GTF2F2: variants seen among roughly 807,000 people sequenced by gnomAD.
The protein encoded by GTF2F2 is ATP-dependent helicase GTF2F2.
Under a neutral mutation model 42.2 loss-of-function variants are expected in GTF2F2, and 23 were observed. That is an observed-to-expected ratio of 0.55 (90% CI 0.39 to 0.77). The LOEUF is 0.77. GTF2F2 is among the 30% of genes least tolerant of loss of function. The probability of loss-of-function intolerance (pLI) is 0.00; values close to 1 mark genes in which losing one functional copy is unlikely to be tolerated. For missense variants in GTF2F2, 261 were observed against 287.2 expected, an observed-to-expected ratio of 0.91 and a Z score of 0.66; for synonymous variants, 105 against 100.8, an observed-to-expected ratio of 1.04 and a Z score of -0.25.
At chr13:45,189,514 C>T (rs1217307834) in intron 4 of GTF2F2, among the ~76,000 whole-genome samples, 2 of 152,204 alleles carry the variant, frequency 1.3e-5, no homozygotes, top group Admixed American at 1.3e-4. Flanking sequence ...TTTACATGCC[C>T]ACCAACAGTG....
At chr13:45,173,059 C>G (rs555852443) in intron 4 of GTF2F2, among the ~76,000 whole-genome samples, 9 of 152,132 alleles carry the variant, frequency 5.9e-5, no homozygotes, top group African/African-American at 2.2e-4. Flanking sequence ...AAGAGTATTG[C>G]CATCTTAACA....
Position 45,173,187 on chromosome 13 carries a change from G to A in GTF2F2, c.304+21356G>A, listed in dbSNP as rs559759889. On this transcript the variant is annotated intron_variant, in intron 4 of 7. Coordinates refer to ENST00000340473, the MANE Select transcript of GTF2F2 (RefSeq NM_004128.3). The stretch of plus-strand genomic sequence containing the variant: ...TTCTAATTAAGTTTTTTATTTTGAG[G>A]TAATTGTAGATTCACATGTAGTTGT... Among the ~76,000 whole-genome samples, 21 of 152,132 alleles carry A rather than the reference G, an allele frequency of 1.4e-4. No individual in the cohort carries two copies. The South Asian group carries it at 3.9e-3, about 29-fold the overall frequency.
intron 5 of GTF2F2, among the ~76,000 whole-genome samples, chr13:45,218,331 G>T (rs932925914): frequency 6.6e-6 from 1 of 152,200 alleles, no homozygotes; most frequent in African/African-American, 2.4e-5. Flanking sequence ...ATCTTTGTAC[G>T]TATTAGAAAA....
At chr13:45,191,255 A>ATATATATATATATATATATG (rs1260872563) in intron 4 of GTF2F2, among the ~76,000 whole-genome samples, 3 of 136,526 alleles carry the variant, frequency 2.2e-5, no homozygotes, top group African/African-American at 8.9e-5. Flanking sequence ...ATATATATAT[A>ATATATATATATATATATATG]GCCATAATCT....
chr13:45,242,017 T>G (rs1314757951), intron 5 of GTF2F2, among the ~76,000 whole-genome samples: 2 of 152,158 alleles, frequency 1.3e-5, no homozygotes, highest in African/African-American at 4.8e-5. Flanking sequence ...GCCCTAAAAT[T>G]TCCTCATTGC....
At chr13:45,140,789 A>G (rs1593450779) in intron 2 of GTF2F2, among the ~76,000 whole-genome samples, 1 of 152,314 alleles carries the variant, frequency 6.6e-6, no homozygotes, top group East Asian at 1.9e-4. Context: ...GGGAGCCACA[A>G]CCAAGATAAA....
At chr13:45,164,011 A>C (rs1020916362) in intron 4 of GTF2F2, among the ~76,000 whole-genome samples, 2 of 152,022 alleles carry the variant, frequency 1.3e-5, no homozygotes, top group Non-Finnish European at 2.9e-5. Context: ...AAAATTAGCC[A>C]AGTGTGGTGG....
At chr13:45,148,832 C>T (rs767488912) in intron 2 of GTF2F2, among the ~76,000 whole-genome samples, 1 of 151,888 alleles carries the variant, frequency 6.6e-6, no homozygotes, top group African/African-American at 2.4e-5. Context: ...AATTCAAATA[C>T]AGTATATAGA....
intron 5 of GTF2F2, among the ~76,000 whole-genome samples, chr13:45,243,940 C>T (rs1404644706): frequency 3.3e-5 from 5 of 152,184 alleles, no homozygotes; most frequent in African/African-American, 9.7e-5. Context: ...GGATTACAGG[C>T]GTGAGCCACT....
At chr13:45,243,327 C>T (rs1014615599) in intron 5 of GTF2F2, among the ~76,000 whole-genome samples, 2 of 152,202 alleles carry the variant, frequency 1.3e-5, no homozygotes, top group African/African-American at 4.8e-5. Flanking sequence ...TGAGCTCCGC[C>T]TCCTGTCTGA....
intron 4 of GTF2F2, among the ~76,000 whole-genome samples, chr13:45,175,914 C>T (rs1354276162): frequency 6.6e-6 from 1 of 152,208 alleles, no homozygotes; most frequent in Non-Finnish European, 1.5e-5. Flanking sequence ...TGAGCCACTG[C>T]ACCTGGCCCA....
rs928228944 is a variant in GTF2F2 at position 45,183,430 on chromosome 13, A to C, written c.305-23994A>C. On this transcript the variant is annotated intron_variant, in intron 4 of 7. Transcript: ENST00000340473. ...ATCCAGAATGACTGCTGGAGTTACT[A>C]CTGTCATATCTACCTCTCAGGCATC... 3.9e-5 allele frequency among the ~76,000 whole-genome samples: 6 copies of C among 152,090 alleles called. 1 individual carries two copies. The highest frequency in any genetic ancestry group is 1.4e-4 in the African/African-American group (6 of 41,386).
chr13:45,256,051 A>C (rs8002055), intron 6 of GTF2F2, among the ~76,000 whole-genome samples: 4,381 of 152,296 alleles, frequency 0.029, 193 homozygotes, highest in African/African-American at 0.093. Flanking sequence ...GATTGGAAAC[A>C]AGTGTCCCAA....
chr13:45,146,965 C>T (rs993960913), intron 2 of GTF2F2, among the ~76,000 whole-genome samples: 1 of 152,162 alleles, frequency 6.6e-6, no homozygotes, highest in Non-Finnish European at 1.5e-5. Context: ...GGGAATATGT[C>T]ATTCTTTTAA....
intron 4 of GTF2F2, among the ~76,000 whole-genome samples, chr13:45,161,216 A>G (rs1326369577): frequency 1.3e-5 from 2 of 152,204 alleles, no homozygotes; most frequent in African/African-American, 4.8e-5. Flanking sequence ...TGGTACCAGT[A>G]GCCTTACCCA....
At position 45,284,712 on chromosome 13, in the gene GTF2F2, C is replaced by G. The variant is rs1877392185; in HGVS notation, c.*1151C>G. 6.6e-6 allele frequency: 1 copy of G among 152,046 alleles called. No homozygotes were observed. The highest frequency in any genetic ancestry group is 2.4e-5 in the African/African-American group (1 of 41,402). 9.4% of individuals were successfully genotyped at this position (152,046 alleles called of 1,614,324 possible). A position where few individuals can be genotyped will look rare whatever the true frequency, so the allele number is the denominator to read the frequency against. On this transcript the variant is annotated 3_prime_UTR_variant, in exon 8 of 8. Transcript: ENST00000340473. ...AAAAATAATAAAAATAAGGAAGGAG[C>G]AATGCCAAAAATTGAAGAAAATATT...
intron 5 of GTF2F2, among the ~76,000 whole-genome samples, chr13:45,212,495 C>CT (rs1279753628): frequency 9.8e-6 from 1 of 102,526 alleles, no homozygotes; most frequent in African/African-American, 3.9e-5. Context: ...TTCTTTCTTT[C>CT]TTTCTTTCTT....
intron 4 of GTF2F2, among the ~76,000 whole-genome samples, chr13:45,191,224 A>AAAAAAAATAT: frequency 1.2e-4 from 9 of 75,306 alleles, no homozygotes; most frequent in South Asian, 3.9e-4. Context: ...ACAAAAAAAA[A>AAAAAAAATAT]ATATATATAT....
intron 4 of GTF2F2, among the ~76,000 whole-genome samples, chr13:45,153,628 C>G (rs1327678229): frequency 6.6e-6 from 1 of 152,074 alleles, no homozygotes; most frequent in Non-Finnish European, 1.5e-5. Flanking sequence ...ATAGGCCTAT[C>G]TAAAATTCTG....
Sources: allele counts gnomAD v4.1 joint callset (sites outside exome capture counted in the v4.1 genomes callset), GRCh38; gene constraint gnomAD v4.1.1; transcripts MANE v1.5; gene names NCBI Gene and HGNC (gene_info 2026-07-23, HGNC 2026-07-21).